CCDC102B: variants seen among roughly 807,000 people sequenced by gnomAD.
CCDC102B encodes the protein coiled-coil domain containing 102B, also known as coiled-coil domain-containing protein 102B.
In CCDC102B, 75 loss-of-function variants were observed where a neutral mutation model predicts 57.4. The ratio of observed to expected loss-of-function variants is 1.31; its 90% CI spans 1.08 to 1.58. CCDC102B has a LOEUF of 1.58. CCDC102B is among the 40% of genes most tolerant of loss of function. CCDC102B has a pLI of 0.00. For synonymous variants in CCDC102B, 206 were observed against 201.9 expected, an observed-to-expected ratio of 1.02 and a Z score of -0.17; for missense variants, 636 against 582.6, an observed-to-expected ratio of 1.09 and a Z score of -0.94.
At chr18:68,988,887 A>G (rs1454070292) in intron 6 of CCDC102B, among the ~76,000 whole-genome samples, 1 of 152,186 alleles carries the variant, frequency 6.6e-6, no homozygotes, top group Non-Finnish European at 1.5e-5. Flanking sequence ...TAACGTCACA[A>G]TGTAGGTGTG....
intron 2 of CCDC102B, among the ~76,000 whole-genome samples, chr18:68,716,984 A>G (rs1170596577): frequency 6.6e-6 from 1 of 151,664 alleles, no homozygotes; most frequent in Non-Finnish European, 1.5e-5. Context: ...AGGCTGAGGC[A>G]GGAGAATGCA....
intron 7 of CCDC102B, among the ~76,000 whole-genome samples, chr18:69,042,036 A>G (rs982513878): frequency 2.0e-5 from 3 of 152,040 alleles, no homozygotes; most frequent in Non-Finnish European, 4.4e-5. Context: ...TGACTTATTC[A>G]TAGTTGTATT....
At chr18:69,029,411 A>G (rs1369383766) in intron 7 of CCDC102B, among the ~76,000 whole-genome samples, 1 of 152,206 alleles carries the variant, frequency 6.6e-6, no homozygotes, top group Non-Finnish European at 1.5e-5. Flanking sequence ...CTAAATACAT[A>G]AAACCTACCT....
chr18:68,887,082 G>T (rs75542353), intron 5 of CCDC102B, among the ~76,000 whole-genome samples: 3 of 151,880 alleles, frequency 2.0e-5, no homozygotes, highest in African/African-American at 7.3e-5. Context: ...CCCCACAAAG[G>T]TTTTTCCTCA....
intron 6 of CCDC102B, among the ~76,000 whole-genome samples, chr18:68,911,764 A>T (rs1429538169): frequency 7.0e-6 from 1 of 142,590 alleles, no homozygotes; most frequent in Non-Finnish European, 1.5e-5. Flanking sequence ...AAAAAAAAAA[A>T]AAAAAAAAAA....
At chr18:68,936,886 C>T (rs1400862264) in intron 6 of CCDC102B, among the ~76,000 whole-genome samples, 1 of 151,420 alleles carries the variant, frequency 6.6e-6, no homozygotes, top group African/African-American at 2.4e-5. Flanking sequence ...ACCCAACACA[C>T]ATATACATAC....
chr18:68,719,066 ACTT>A (rs1201586266), intron 2 of CCDC102B, among the ~76,000 whole-genome samples: 1 of 152,204 alleles, frequency 6.6e-6, no homozygotes, highest in Non-Finnish European at 1.5e-5. Context: ...ACATAAGAAA[ACTT>A]AAAGTCATTG....
chr18:68,813,837 T>C (rs1174772686), intron 1 of CCDC102B, among the ~76,000 whole-genome samples: 1 of 151,154 alleles, frequency 6.6e-6, no homozygotes, highest in Non-Finnish European at 1.5e-5. Flanking sequence ...GGAGAGAAGT[T>C]GGAAATCTAT....
intron 6 of CCDC102B, among the ~76,000 whole-genome samples, chr18:68,966,174 G>A (rs908828785): frequency 3.3e-5 from 5 of 152,012 alleles, no homozygotes; most frequent in East Asian, 1.9e-4. Context: ...GTCAGTTTGG[G>A]TAATTTCTAG....
intron 2 of CCDC102B, among the ~76,000 whole-genome samples, chr18:68,838,037 A>G (rs1007852941): frequency 6.6e-6 from 1 of 152,204 alleles, no homozygotes; most frequent in African/African-American, 2.4e-5. Context: ...TTGAGATTTT[A>G]TTTGAAATTG....
At chr18:69,036,589 T>G (rs1015463974) in intron 7 of CCDC102B, among the ~76,000 whole-genome samples, 1 of 152,116 alleles carries the variant, frequency 6.6e-6, no homozygotes, top group Admixed American at 6.6e-5. Context: ...GTCTGTTGCT[T>G]TAGCCTAACC....
At chr18:68,793,395 G>C (rs1010253853), upstream of CCDC102B, among the ~76,000 whole-genome samples, 5 of 152,120 alleles carry the variant, frequency 3.3e-5, no homozygotes, top group African/African-American at 1.2e-4. Flanking sequence ...GTCGATGACA[G>C]GCATATATGT....
At chr18:68,972,965 G>A (rs543063397) in intron 6 of CCDC102B, among the ~76,000 whole-genome samples, 1 of 152,196 alleles carries the variant, frequency 6.6e-6, no homozygotes, top group East Asian at 1.9e-4. Context: ...ATTTAATCAT[G>A]GGATGCTTTC....
At chr18:69,033,933 A>C (rs1203978663) in intron 7 of CCDC102B, among the ~76,000 whole-genome samples, 1 of 151,972 alleles carries the variant, frequency 6.6e-6, no homozygotes, top group Non-Finnish European at 1.5e-5. Flanking sequence ...TTTATTTGAA[A>C]TTTCCAAATG....
chr18:68,921,956 G>C (rs993198800), intron 6 of CCDC102B, among the ~76,000 whole-genome samples: 18 of 152,238 alleles, frequency 1.2e-4, no homozygotes, highest in African/African-American at 4.1e-4. Context: ...ACTTGGATTT[G>C]ATGCTCTGAT....
At chr18:68,820,257 A>G (rs1328689630) in intron 1 of CCDC102B, among the ~76,000 whole-genome samples, 1 of 152,030 alleles carries the variant, frequency 6.6e-6, no homozygotes, top group African/African-American at 2.4e-5. Flanking sequence ...TAGTTTTTCA[A>G]ATTGTAAACT....
intron 1 of CCDC102B, among the ~76,000 whole-genome samples, chr18:68,812,651 C>T (rs2036312871): frequency 6.6e-6 from 1 of 152,100 alleles, no homozygotes; most frequent in Non-Finnish European, 1.5e-5. Flanking sequence ...AGGCAAAATA[C>T]AACGAGGCAG....
intron 6 of CCDC102B, among the ~76,000 whole-genome samples, chr18:68,997,700 C>A (rs1164382617): frequency 1.3e-5 from 2 of 151,526 alleles, no homozygotes; most frequent in African/African-American, 4.8e-5. Flanking sequence ...ATATCTATTT[C>A]ATTCATCCGT....
chr18:68,717,403 T>C (rs1220842371), intron 2 of CCDC102B, among the ~76,000 whole-genome samples: 3 of 152,258 alleles, frequency 2.0e-5, no homozygotes, highest in African/African-American at 7.2e-5. Context: ...GTGATGATTA[T>C]AGCTTAGGTG....
Sources: allele counts gnomAD v4.1 joint callset (sites outside exome capture counted in the v4.1 genomes callset), GRCh38; gene constraint gnomAD v4.1.1; transcripts MANE v1.5; gene names NCBI Gene and HGNC (gene_info 2026-07-23, HGNC 2026-07-21).